SYNPR: variants seen among roughly 807,000 people sequenced by gnomAD.
SYNPR encodes synaptoporin.
SYNPR carries 23 observed loss-of-function variants against 32.9 expected under a neutral mutation model. The observed-to-expected ratio is 0.70, with a 90% CI of 0.50 to 0.99. The LOEUF (loss-of-function observed/expected upper bound fraction) is 0.99, where lower values mean the gene tolerates loss of function less well. SYNPR is among the 50% of genes least tolerant of loss of function. The pLI, the probability that SYNPR is intolerant of heterozygous loss-of-function variation, is 0.00. For synonymous variants in SYNPR, 146 were observed against 135.9 expected (o/e 1.07, Z -0.52); for missense variants, 318 against 349.3 (o/e 0.91, Z 0.71).
intron 2 of SYNPR, among the ~76,000 whole-genome samples, chr3:63,296,478 GATGA>G (rs1473929762): frequency 1.3e-5 from 2 of 152,112 alleles, no homozygotes; most frequent in African/African-American, 4.8e-5. Flanking sequence ...TAGTCTGGTG[GATGA>G]ATGAGAAATT....
intron 1 of SYNPR, among the ~76,000 whole-genome samples, chr3:63,251,850 G>T (rs1004135849): frequency 6.6e-6 from 1 of 151,876 alleles, no homozygotes; most frequent in African/African-American, 2.4e-5. Flanking sequence ...TCAGACAAAT[G>T]CCATGAAGGA....
At chr3:63,605,935 T>C (rs139576350) in intron 4 of SYNPR, among the ~76,000 whole-genome samples, 2 of 152,356 alleles carry the variant, frequency 1.3e-5, no homozygotes, top group African/African-American at 4.8e-5. Context: ...ATATGATTTG[T>C]ATTATTGTTG....
At chr3:63,358,114 T>C (rs2087606866) in intron 2 of SYNPR, among the ~76,000 whole-genome samples, 1 of 152,234 alleles carries the variant, frequency 6.6e-6, no homozygotes, top group African/African-American at 2.4e-5. Flanking sequence ...GTTACACATC[T>C]TGTTACACCT....
upstream of SYNPR, among the ~76,000 whole-genome samples, chr3:63,227,633 T>C (rs548073718): frequency 1.3e-5 from 2 of 152,220 alleles, no homozygotes; most frequent in Non-Finnish European, 2.9e-5. Flanking sequence ...GTAGGCTTTG[T>C]CCTCATTGTT....
chr3:63,384,057 A>T (rs1413332910), intron 2 of SYNPR, among the ~76,000 whole-genome samples: 1 of 152,242 alleles, frequency 6.6e-6, no homozygotes, highest in Non-Finnish European at 1.5e-5. Flanking sequence ...ATACTCAGAG[A>T]AGCAAAATGT....
intron 2 of SYNPR, among the ~76,000 whole-genome samples, chr3:63,280,530 T>G (rs1035834017): frequency 6.7e-6 from 1 of 150,060 alleles, no homozygotes; most frequent in Non-Finnish European, 1.5e-5. Context: ...AAAAAAAAAA[T>G]GTTTGTTTTT....
intron 2 of SYNPR, among the ~76,000 whole-genome samples, chr3:63,353,543 T>C (rs371362794): frequency 2.4e-4 from 37 of 152,320 alleles, no homozygotes; most frequent in African/African-American, 8.4e-4. Flanking sequence ...GATTCGGGAA[T>C]TAGCCAGTAG....
At chr3:63,480,402 A>T (rs1298750412) in intron 2 of SYNPR, among the ~76,000 whole-genome samples, 1 of 152,196 alleles carries the variant, frequency 6.6e-6, no homozygotes, top group East Asian at 1.9e-4. Flanking sequence ...CCAAAAGACA[A>T]ATCATATTAT....
rs34925541 is a variant in SYNPR, at chr3:63,540,891, T to TACACACACAC, written c.210-15634_210-15625dup. Among the ~76,000 whole-genome samples the TACACACACAC allele has an allele frequency of 4.5e-3, 551 of 122,924 alleles. 8 individuals carry two copies. Among genetic ancestry groups the TACACACACAC allele is most frequent in the African/African-American group, 0.015 (483 of 31,734 alleles). The allele number at this position is 122,924 out of a possible 152,430, so 80.6% of individuals were successfully genotyped here. On this transcript the variant is annotated intron_variant, in intron 3 of 5. Coordinates refer to ENST00000478300, the MANE Select transcript of SYNPR (RefSeq NM_001130003.2). The stretch of plus-strand genomic sequence containing the variant: ...GTGAAATTTCACCTCCTATCACTCC[T>TACACACACAC]ACACACACACACACACACACACACA...
At chr3:63,569,534 AT>A (rs1278100275) in intron 4 of SYNPR, among the ~76,000 whole-genome samples, 7 of 152,372 alleles carry the variant, frequency 4.6e-5, no homozygotes, top group Admixed American at 3.3e-4. Flanking sequence ...ACATTAAAAC[AT>A]TTGCTTTGAA....
chr3:63,545,900 T>A (rs1702393726), intron 3 of SYNPR, among the ~76,000 whole-genome samples: 1 of 152,178 alleles, frequency 6.6e-6, no homozygotes, highest in Non-Finnish European at 1.5e-5. Flanking sequence ...GTTATAAATA[T>A]CTTTTAATCA....
chr3:63,431,524 G>T (rs1699993553), intron 2 of SYNPR, among the ~76,000 whole-genome samples: 1 of 152,090 alleles, frequency 6.6e-6, no homozygotes, highest in Non-Finnish European at 1.5e-5. Context: ...GGTTATACAT[G>T]AGAAAAAACT....
intron 2 of SYNPR, among the ~76,000 whole-genome samples, chr3:63,284,202 C>A (rs1329324067): frequency 6.6e-6 from 1 of 152,012 alleles, no homozygotes. Context: ...GTTAGTAATT[C>A]TTTCTTTACT....
intron 2 of SYNPR, among the ~76,000 whole-genome samples, chr3:63,311,195 A>G (rs1294669172): frequency 6.6e-6 from 1 of 152,016 alleles, no homozygotes; most frequent in Non-Finnish European, 1.5e-5. Flanking sequence ...TATAAAAACA[A>G]ATGAGATGTA....
upstream of SYNPR, among the ~76,000 whole-genome samples, chr3:63,275,419 T>C (rs2086564942): frequency 6.6e-6 from 1 of 152,228 alleles, no homozygotes; most frequent in Non-Finnish European, 1.5e-5. Context: ...GCAATTGTTG[T>C]CTAAGCTATT....
chr3:63,512,158 G>T (rs759792500), intron 3 of SYNPR, among the ~76,000 whole-genome samples: 5 of 152,066 alleles, frequency 3.3e-5, no homozygotes, highest in Admixed American at 6.6e-5. Flanking sequence ...TCTGAAGTGA[G>T]GTATACTACC....
At chr3:63,317,685 T>C (rs1421263464) in intron 2 of SYNPR, among the ~76,000 whole-genome samples, 3 of 152,028 alleles carry the variant, frequency 2.0e-5, no homozygotes, top group Non-Finnish European at 2.9e-5. Context: ...ATTCATTCTG[T>C]AGTTCTGTAT....
chr3:63,397,764 C>T (rs1416181963), intron 2 of SYNPR, among the ~76,000 whole-genome samples: 1 of 152,180 alleles, frequency 6.6e-6, no homozygotes, highest in Non-Finnish European at 1.5e-5. Flanking sequence ...TCTATAAAAA[C>T]CTTCATCTCA....
At chr3:63,505,473 C>G (rs1701570155) in intron 3 of SYNPR, among the ~76,000 whole-genome samples, 2 of 152,110 alleles carry the variant, frequency 1.3e-5, no homozygotes, top group African/African-American at 4.8e-5. Context: ...AGCCCTCATT[C>G]TGGCCATGAA....
Sources: allele counts gnomAD v4.1 joint callset (sites outside exome capture counted in the v4.1 genomes callset), GRCh38; gene constraint gnomAD v4.1.1; transcripts MANE v1.5; gene names NCBI Gene and HGNC (gene_info 2026-07-23, HGNC 2026-07-21).